SNAPC1: variants seen among roughly 807,000 people sequenced by gnomAD.
SNAPC1 encodes the protein snRNA-activating protein complex subunit 1.
A neutral mutation model predicts 50.1 loss-of-function variants in SNAPC1; 42 were observed. The ratio of observed to expected loss-of-function variants is 0.84; its 90% CI spans 0.65 to 1.08. The LOEUF (loss-of-function observed/expected upper bound fraction) is 1.08. SNAPC1 is among the 50% of genes least tolerant of loss of function. SNAPC1 has a pLI of 0.00. For missense variants in SNAPC1, 477 were observed against 427.3 expected, an observed-to-expected ratio of 1.12 and a Z score of -1.02; for synonymous variants, 164 against 144.2, an observed-to-expected ratio of 1.14 and a Z score of -0.98.
intron 8 of SNAPC1, among the ~76,000 whole-genome samples, chr14:61,783,528 GTT>G (rs577941212): frequency 8.2e-5 from 9 of 110,134 alleles, no homozygotes; most frequent in South Asian, 3.2e-4. Context: ...GTTTGGTTTG[GTT>G]TTTTTTTTTT....
intron 8 of SNAPC1, among the ~76,000 whole-genome samples, chr14:61,783,501 T>G: frequency 6.6e-6 from 1 of 151,324 alleles, no homozygotes; most frequent in East Asian, 1.9e-4. Flanking sequence ...GAAATTACTT[T>G]CGTATATATT....
chr14:61,763,458 T>C (rs1479779281), intron 1 of SNAPC1, among the ~76,000 whole-genome samples: 1 of 149,812 alleles, frequency 6.7e-6, no homozygotes, highest in Non-Finnish European at 1.5e-5. Flanking sequence ...GTCCCCTCCA[T>C]GCACTCACTT....
intron 8 of SNAPC1, among the ~76,000 whole-genome samples, chr14:61,787,213 A>G (rs959837724): frequency 2.0e-5 from 3 of 152,206 alleles, no homozygotes; most frequent in Non-Finnish European, 4.4e-5. Flanking sequence ...GCAGTGGTAG[A>G]TTGCACAGCC....
At chr14:61,785,960 A>G (rs548096127) in intron 8 of SNAPC1, among the ~76,000 whole-genome samples, 1 of 152,246 alleles carries the variant, frequency 6.6e-6, no homozygotes, top group African/African-American at 2.4e-5. Context: ...GGGTCCGAAG[A>G]TTTATTTTCC....
chr14:61,775,974 A>G (rs1383800640), intron 4 of SNAPC1, 121 bp from the exon 5 acceptor site: 3 of 646,276 alleles, frequency 4.6e-6, no homozygotes, highest in Non-Finnish European at 7.9e-6. Context: ...TTAATATACT[A>G]TAGCATGTTA....
chr14:61,787,162 A>G (rs2045120166), intron 8 of SNAPC1, among the ~76,000 whole-genome samples: 1 of 152,240 alleles, frequency 6.6e-6, no homozygotes, highest in Admixed American at 6.5e-5. Flanking sequence ...GCCCAGTGGC[A>G]CAGAGAAACT....
At chr14:61,768,963 A>G (rs945016344) in intron 4 of SNAPC1, among the ~76,000 whole-genome samples, 3 of 152,206 alleles carry the variant, frequency 2.0e-5, no homozygotes, top group African/African-American at 7.2e-5. Context: ...CTGGACCTGG[A>G]CTGAAGATGT....
intron 9 of SNAPC1, among the ~76,000 whole-genome samples, 188 bp downstream of exon 9, chr14:61,793,090 T>C (rs1335655250): frequency 1.3e-5 from 2 of 152,218 alleles, no homozygotes; most frequent in Non-Finnish European, 2.9e-5. Flanking sequence ...GATAATACAA[T>C]AAATGAATGG....
chr14:61,773,101 A>T (rs2140177472), intron 4 of SNAPC1, among the ~76,000 whole-genome samples: 1 of 152,270 alleles, frequency 6.6e-6, no homozygotes, highest in African/African-American at 2.4e-5. Context: ...ATTTCAGAAG[A>T]TCTGAATTCT....
At position 61,762,431 on chromosome 14, in the gene SNAPC1, G is replaced by C. The variant is rs562868562; in HGVS notation, c.-30G>C. The C allele has an allele frequency of 3.2e-5, 52 of 1,606,086 alleles. No individual in the cohort carries two copies. In the East Asian group the frequency reaches 1.2e-3, roughly 36 times the overall value. ...CTGGCTAGTCCGTTAGAGGCGTGCGGGCTTCGGAGGCGTGCGGGCTTCGGG... is the reference window on the plus strand; with the variant it reads ...CTGGCTAGTCCGTTAGAGGCGTGCGCGCTTCGGAGGCGTGCGGGCTTCGGG... On this transcript the variant is annotated 5_prime_UTR_variant, in exon 1 of 10. Coordinates refer to ENST00000216294, the MANE Select transcript of SNAPC1 (RefSeq NM_003082.4).
At chr14:61,771,042 C>T (rs2044986776) in intron 4 of SNAPC1, among the ~76,000 whole-genome samples, 1 of 152,232 alleles carries the variant, frequency 6.6e-6, no homozygotes, top group South Asian at 2.1e-4. Context: ...CCACCCAGCT[C>T]ATATGGATAC....
At chr14:61,768,901 A>G (rs2044968091) in intron 4 of SNAPC1, among the ~76,000 whole-genome samples, 161 bp downstream of exon 4, 1 of 152,250 alleles carries the variant, frequency 6.6e-6, no homozygotes, top group African/African-American at 2.4e-5. Context: ...TAGCCTAAAT[A>G]TATCAAGGCT....
intron 8 of SNAPC1, among the ~76,000 whole-genome samples, chr14:61,788,852 G>C (rs889041321): frequency 2.6e-5 from 4 of 152,162 alleles, no homozygotes; most frequent in African/African-American, 7.2e-5. Flanking sequence ...AGGATTATTT[G>C]AAATGGCAAA....
In SNAPC1 at chr14:61,762,664, T is replaced by C. The variant is rs2044914842; in HGVS notation, c.128+76T>C. On this transcript the variant is annotated intron_variant, in intron 1 of 9. Coordinates refer to ENST00000216294, the MANE Select transcript of SNAPC1 (RefSeq NM_003082.4). ...GAAAGTTGCCTCCTTCCCGGCGATATTGCACTTGTGAAGGGCTGAGAAGAG... is the reference window on the plus strand; with the variant it reads ...GAAAGTTGCCTCCTTCCCGGCGATACTGCACTTGTGAAGGGCTGAGAAGAG... 9 of 1,560,908 alleles carry C rather than the reference T, an allele frequency of 5.8e-6. 1 individual carries two copies. In the South Asian group the frequency reaches 9.0e-5, roughly 16 times the overall value.
rs372665391 is a variant in SNAPC1, at chr14:61,769,809, T to C, written c.534+1069T>C. 9.8e-5 allele frequency among the ~76,000 whole-genome samples: 15 copies of C among 152,338 alleles called. No homozygotes were observed. The East Asian group carries it at 1.3e-3, about 14-fold the overall frequency. On this transcript the variant is annotated intron_variant, in intron 4 of 9. Coordinates refer to ENST00000216294, the MANE Select transcript of SNAPC1 (RefSeq NM_003082.4). ...GTGTACAGTATTGGGAAAAATCTTATGCATGGATAAGTAGTGTTACAAATC... is the reference window on the plus strand; with the variant it reads ...GTGTACAGTATTGGGAAAAATCTTACGCATGGATAAGTAGTGTTACAAATC...
chr14:61,766,673 T>C (rs572839387), intron 1 of SNAPC1, among the ~76,000 whole-genome samples: 16 of 152,378 alleles, frequency 1.1e-4, no homozygotes, highest in African/African-American at 3.8e-4. Context: ...GTAAAGTTGA[T>C]GCTTTTGGAA....
chr14:61,780,391 G>C (rs1046566089), intron 7 of SNAPC1, among the ~76,000 whole-genome samples: 4 of 152,152 alleles, frequency 2.6e-5, no homozygotes, highest in African/African-American at 9.7e-5. Context: ...CAGTTGCCTA[G>C]CTCTGAGGTT....
chr14:61,786,400 G>T (rs903083321), intron 8 of SNAPC1, among the ~76,000 whole-genome samples: 1 of 152,104 alleles, frequency 6.6e-6, no homozygotes, highest in African/African-American at 2.4e-5. Context: ...AAACTACTAC[G>T]CTGATAAAGG....
chr14:61,794,982 G>A lies in SNAPC1; in HGVS notation c.1106G>A (p.Ter369=), dbSNP rs1190096774. 5 of 1,572,580 alleles carry A rather than the reference G, an allele frequency of 3.2e-6. No individual in the cohort carries two copies. The Admixed American group carries it at 7.8e-5, about 25-fold the overall frequency. ...GCATCCAAGAAGAGGAGAAAACACTGAACAAAGAGCCTGGTGTAGTTTTTA... is the reference window on the plus strand; with the variant it reads ...GCATCCAAGAAGAGGAGAAAACACTAAACAAAGAGCCTGGTGTAGTTTTTA... ...FTASKKRRKH[*] The change falls in exon 10 of 10, where the codon TGA becomes TAA. Residue 369 remains the stop codon, a stop_retained_variant. Transcript: ENST00000216294.
Sources: allele counts gnomAD v4.1 joint callset (sites outside exome capture counted in the v4.1 genomes callset), GRCh38; gene constraint gnomAD v4.1.1; transcripts MANE v1.5; gene names NCBI Gene and HGNC (gene_info 2026-07-23, HGNC 2026-07-21).